DVL1: variants seen among roughly 807,000 people sequenced by gnomAD.
DVL1 encodes dishevelled segment polarity protein 1, also known as segment polarity protein dishevelled homolog DVL-1.
In DVL1, 49 loss-of-function variants were observed where a neutral mutation model predicts 65.0. The observed-to-expected ratio is 0.75, with a 90% confidence interval of 0.60 to 0.96. DVL1 has a LOEUF of 0.96. DVL1 is among the 40% of genes least tolerant of loss of function. DVL1 has a pLI of 0.00. For missense variants in DVL1, 1,197 were observed against 1,045.4 expected (o/e 1.15, Z -2.00); for synonymous variants, 608 against 433.9 (o/e 1.40, Z -4.99).
At chr1:1,347,848 C>T (rs1303600602) in intron 1 of DVL1, among the ~76,000 whole-genome samples, 2 of 152,178 alleles carry the variant, frequency 1.3e-5, no homozygotes, top group Non-Finnish European at 2.9e-5. Context: ...GCCCTCTCTG[C>T]TTTGCCTGGT....
In DVL1 at chr1:1,349,116, G is replaced by C. The variant is rs1269056782; in HGVS notation, c.-51C>G. 1.9e-6 allele frequency: 2 copies of C among 1,075,504 alleles called. No individual in the cohort carries two copies. The highest frequency in any genetic ancestry group is 3.5e-5 in the African/African-American group (2 of 57,506). The allele number at this position is 1,075,504 out of a possible 1,614,324, so 66.6% of individuals were successfully genotyped here. On this transcript the variant is annotated 5_prime_UTR_variant, in exon 1 of 15. Coordinates refer to ENST00000378888, the MANE Select transcript of DVL1 (RefSeq NM_001330311.2). The surrounding 1 kb of genome is among the most constrained non-coding windows in gnomAD (Gnocchi z 4.1). ...GCGCTCAGGGCCCGGCCCGGGGCTC[G>C]GACGCGGGGCGCTACCCGCCCGCCC...
At chr1:1,341,177 A>G (rs1388520479) in intron 5 of DVL1, among the ~76,000 whole-genome samples, 1 of 150,262 alleles carries the variant, frequency 6.7e-6, no homozygotes, top group Non-Finnish European at 1.5e-5. Context: ...GCACACCTGC[A>G]CACACGCACA....
Position 1,348,955 on chromosome 1 carries a change from G to T in DVL1, c.111C>A (p.Leu37=). The change falls in exon 1 of 15, where the codon CTC becomes CTA. Residue 37 remains leucine, a synonymous_variant. Transcript: ENST00000378888. The part of the protein sequence containing the change: ...RVTLADFKNV[L]SNRPVHAYKF... ...TGTAGGCGTGCACGGGCCGGTTGCTGAGCACGTTCTTGAAGTCGGCCAGCG... is the reference window on the plus strand; with the variant it reads ...TGTAGGCGTGCACGGGCCGGTTGCTTAGCACGTTCTTGAAGTCGGCCAGCG... 1 of 1,574,608 alleles carries T rather than the reference G, an allele frequency of 6.4e-7. No individual in the cohort carries two copies. The highest frequency in any genetic ancestry group is 8.6e-7 in the Non-Finnish European group (1 of 1,157,318).
chr1:1,344,134 C>T (rs1439091000), intron 1 of DVL1, among the ~76,000 whole-genome samples: 8 of 152,208 alleles, frequency 5.3e-5, no homozygotes, highest in Non-Finnish European at 1.2e-4. Context: ...ACACTGTGAC[C>T]TCTGAGGGCC....
intron 14 of DVL1, 188 bp downstream of exon 14, chr1:1,337,789 G>A: frequency 2.8e-6 from 2 of 711,186 alleles, no homozygotes; most frequent in Non-Finnish European, 5.1e-6. Context: ...GCCCACCCAG[G>A]GCCCAAGTAC....
Position 1,340,068 on chromosome 1 carries a change from GC to G in DVL1, c.878del (p.Gly293AlafsTer12). The G allele has an allele frequency of 6.2e-7, 1 of 1,612,872 alleles. No homozygotes were observed. Among genetic ancestry groups the G allele is most frequent in the South Asian group, 1.1e-5 (1 of 91,076 alleles). On this transcript the variant is annotated frameshift_variant, in exon 8 of 15. Coordinates refer to ENST00000378888, the MANE Select transcript of DVL1 (RefSeq NM_001330311.2). LOFTEE classifies it high-confidence loss of function. The stretch of plus-strand genomic sequence containing the variant: ...GCAACATGTCGCCGGGCTCGATGCG[GC>G]CGTCAGCGGCCACAGCCCCGCCCTT... ...IMKGGAVAAD[G>X]RIEPGDMLLQ...
intron 1 of DVL1, 119 bp from the exon 2 acceptor site, chr1:1,342,877 T>A: frequency 1.1e-6 from 1 of 919,786 alleles, no homozygotes; most frequent in South Asian, 1.6e-5. Flanking sequence ...TGGACACCCC[T>A]GCTAGCGCAT....
chr1:1,336,861 A>C (rs920162556), intron 14 of DVL1, among the ~76,000 whole-genome samples: 8 of 152,106 alleles, frequency 5.3e-5, no homozygotes, highest in Non-Finnish European at 1.2e-4. Flanking sequence ...GCCATCCTGG[A>C]TTCCCCACCC....
chr1:1,339,521 C>A lies in DVL1; in HGVS notation c.1054+61G>T, dbSNP rs776213572. 6 of 1,554,918 alleles carry A rather than the reference C, an allele frequency of 3.9e-6. No homozygotes were observed. The South Asian group carries it at 4.7e-5, about 12-fold the overall frequency. On this transcript the variant is annotated intron_variant, in intron 10 of 14. Transcript: ENST00000378888. ...GGGTGCAGGGCACAGAGGAGAGAGGCCTTCAGGCTAGGTAGGCGCCCCCTC... is the reference window on the plus strand; with the variant it reads ...GGGTGCAGGGCACAGAGGAGAGAGGACTTCAGGCTAGGTAGGCGCCCCCTC...
chr1:1,337,479 C>T (rs1643617760), intron 14 of DVL1, among the ~76,000 whole-genome samples: 1 of 152,196 alleles, frequency 6.6e-6, no homozygotes, highest in Non-Finnish European at 1.5e-5. Context: ...AGCTGCCACC[C>T]TCCTGTGTCC....
At position 1,340,254 on chromosome 1, in the gene DVL1, G is replaced by A. The variant is rs767645873; in HGVS notation, c.762C>T (p.Leu254=). The A allele has an allele frequency of 6.2e-7, 1 of 1,614,018 alleles. No individual in the cohort carries two copies. The highest frequency in any genetic ancestry group is 8.5e-7 in the Non-Finnish European group (1 of 1,180,010). The change falls in exon 7 of 15, where the codon CTC becomes CTT. Residue 254 remains leucine, a synonymous_variant. Transcript: ENST00000378888. ...TMSLNIVTVT[L]NMERHHFLGI... ...CTCGCCCCGAGGCCTCACCCATGTT[G>A]AGCGTGACAGTGACGATGTTGAGGG... is the stretch of plus-strand genomic sequence containing the variant.
rs202240133 is a variant in DVL1, at chr1:1,348,943, G to A, written c.123C>T (p.Pro41=). Residue 41 remains proline, a synonymous_variant, in exon 1 of 15, where the codon CCC becomes CCT. Coordinates refer to ENST00000378888, the MANE Select transcript of DVL1 (RefSeq NM_001330311.2). ...ADFKNVLSNR[P]VHAYKFFFKS... ...TAAAGAAGAATTTGTAGGCGTGCACGGGCCGGTTGCTGAGCACGTTCTTGA... is the reference window on the plus strand; with the variant it reads ...TAAAGAAGAATTTGTAGGCGTGCACAGGCCGGTTGCTGAGCACGTTCTTGA... 7.6e-6 allele frequency: 12 copies of A among 1,574,224 alleles called. No individual in the cohort carries two copies. Among genetic ancestry groups the A allele is most frequent in the South Asian group, 4.4e-5 (4 of 90,076 alleles).
rs1061336 is a variant in DVL1 at position 1,336,313 on chromosome 1, C to T, written c.1917G>A (p.Pro639=). 18 of 1,567,882 alleles carry T rather than the reference C, an allele frequency of 1.1e-5. No homozygotes were observed. Among genetic ancestry groups the T allele is most frequent in the Admixed American group, 5.4e-5 (3 of 55,154 alleles). Residue 639 remains proline (P), a synonymous_variant, in exon 15 of 15, where the codon CCG becomes CCA. Transcript: ENST00000378888. ...TCGTGGGGTGGGGCGGGGGGAGCCC[C>T]GGGGCGGTAGCCGAGGCCTGACTGC... ...SPRSQASATA[P]GLPPPHPTTK...
chr1:1,338,240 C>T (rs759095836), intron 13 of DVL1, 29 bp downstream of exon 13: 4 of 1,591,040 alleles, frequency 2.5e-6, no homozygotes, highest in Non-Finnish European at 3.4e-6. Context: ...CCCCTCCCCC[C>T]CGCCCTGAAG....
At chr1:1,346,833 G>A (rs891832838) in intron 1 of DVL1, among the ~76,000 whole-genome samples, 3 of 152,182 alleles carry the variant, frequency 2.0e-5, no homozygotes, top group Non-Finnish European at 2.9e-5. Flanking sequence ...CCCCAGACCA[G>A]CGAGGACCTG....
chr1:1,340,305 G>T lies in DVL1; in HGVS notation c.711C>A (p.Phe237Leu). 6.2e-7 allele frequency: 1 copy of T among 1,614,008 alleles called. No homozygotes were observed. Among genetic ancestry groups the T allele is most frequent in the Non-Finnish European group, 8.5e-7 (1 of 1,179,988 alleles). The change falls in exon 7 of 15, where the codon TTC becomes TTA. Residue 237 changes from phenylalanine to leucine, a missense_variant. Coordinates refer to ENST00000378888, the MANE Select transcript of DVL1 (RefSeq NM_001330311.2). ...RLRQADRASS[F>L]SSITDSTMSL... ...ACATGGTGGAGTCGGTTATGCTGCTGAAGGAGGAGGCCTATGGAGGAGAGG... is the reference window on the plus strand; with the variant it reads ...ACATGGTGGAGTCGGTTATGCTGCTTAAGGAGGAGGCCTATGGAGGAGAGG...
At chr1:1,339,225 C>T (rs1234220839) in intron 11 of DVL1, 62 bp downstream of exon 11, 20 of 1,541,974 alleles carry the variant, frequency 1.3e-5, no homozygotes, top group Non-Finnish European at 1.7e-5. Flanking sequence ...ATGCTGGAGG[C>T]TGGCAGAGAC....
rs755556180 is a variant in DVL1, at chr1:1,338,153, G to T, written c.1538C>A (p.Ser513Tyr). Residue 513 changes from serine (S) to tyrosine (Y), a missense_variant, in exon 14 of 15, where the codon TCC (serine) becomes TAC (tyrosine). Transcript: ENST00000378888. ...NLATLNLNSGSSGTSDQDTLA... is the reference protein window; with the variant it reads ...NLATLNLNSGYSGTSDQDTLA... ...CGTGTCCTGATCCGAAGTCCCACTG[G>T]AGCCACTGTTGAGGTTCAGGGTGGC... The T allele has an allele frequency of 1.6e-5, 25 of 1,609,204 alleles. No individual in the cohort carries two copies. The highest frequency in any genetic ancestry group is 2.0e-5 in the Non-Finnish European group (23 of 1,178,372).
Position 1,338,257 on chromosome 1 carries a change from G to GCCCCCACTCACTGCTGCAGAGAT in DVL1, c.1496_1507+11dup. On this transcript the variant is annotated intron_variant, in intron 13 of 14. Coordinates refer to ENST00000378888, the MANE Select transcript of DVL1 (RefSeq NM_001330311.2). ...CCTCCCCCCCGCCCTGAAGCCCGAA[G>GCCCCCACTCACTGCTGCAGAGAT]CCCCCACTCACTGCTGCAGAGATCC... is the stretch of plus-strand genomic sequence containing the variant. 1 of 764,388 alleles carries GCCCCCACTCACTGCTGCAGAGAT rather than the reference G, an allele frequency of 1.3e-6. No individual in the cohort carries two copies. Among genetic ancestry groups the GCCCCCACTCACTGCTGCAGAGAT allele is most frequent in the East Asian group, 5.7e-5 (1 of 17,592 alleles). 47.4% of individuals were successfully genotyped at this position (764,388 alleles called of 1,614,324 possible).
Sources: allele counts gnomAD v4.1 joint callset (sites outside exome capture counted in the v4.1 genomes callset), GRCh38; gene constraint gnomAD v4.1.1; non-coding constraint Gnocchi (gnomAD v3.1); transcripts MANE v1.5; gene names NCBI Gene and HGNC (gene_info 2026-07-23, HGNC 2026-07-21).